The following GRK5 variants were observed in gnomAD, a reference collection of about 807,000 sequenced individuals.
GRK5 encodes G protein-coupled receptor kinase 5, also known as g protein-coupled receptor kinase GRK5.
In GRK5, 40 loss-of-function variants were observed where a neutral mutation model predicts 78.4. The ratio of observed to expected loss-of-function variants is 0.51; its 90% CI spans 0.40 to 0.66. The LOEUF is 0.66. GRK5 is among the 30% of genes least tolerant of loss of function. The probability of loss-of-function intolerance (pLI) is 0.00; values close to 1 mark genes in which losing one functional copy is unlikely to be tolerated. For missense variants in GRK5, 598 were observed against 759.9 expected (o/e 0.79, Z 2.50); for synonymous variants, 289 against 296.8 (o/e 0.97, Z 0.27).
At chr10:119,344,674 C>G (rs1311039702) in intron 2 of GRK5, among the ~76,000 whole-genome samples, 2 of 152,208 alleles carry the variant, frequency 1.3e-5, no homozygotes, top group South Asian at 2.1e-4. Context: ...CACTGGCTGT[C>G]TCTTTGCCTG....
Position 119,455,815 on chromosome 10 carries a change from G to A in GRK5, c.*748G>A, listed in dbSNP as rs1853393449. On this transcript the variant is annotated 3_prime_UTR_variant, in exon 16 of 16. Coordinates refer to ENST00000392870, the MANE Select transcript of GRK5 (RefSeq NM_005308.3). ...CCTAGGCTGAGCCCTTCTCCTCGAG[G>A]GGCACGCCGAGCCACTGTCGCACCC... 6.3e-6 allele frequency: 1 copy of A among 158,666 alleles called. No homozygotes were observed. 9.8% of individuals were successfully genotyped at this position (158,666 alleles called of 1,614,324 possible).
intron 2 of GRK5, among the ~76,000 whole-genome samples, chr10:119,337,158 T>G (rs1323920801): frequency 6.6e-6 from 1 of 152,190 alleles, no homozygotes; most frequent in Non-Finnish European, 1.5e-5. Context: ...CTTTTATATT[T>G]GGGCTTCCGT....
rs558409254 is a variant in GRK5, at chr10:119,336,633, C to T, written c.148+10022C>T. Among the ~76,000 whole-genome samples the T allele has an allele frequency of 2.0e-5, 3 of 152,304 alleles. No homozygotes were observed. The highest frequency in any genetic ancestry group is 4.1e-4 in the South Asian group (2 of 4,824). ...CTGAGAGGATGATCAGAATCTCACACGTCTTGGTGACCCAGTCCCCTTCAG... is the reference window on the plus strand; with the variant it reads ...CTGAGAGGATGATCAGAATCTCACATGTCTTGGTGACCCAGTCCCCTTCAG... On this transcript the variant is annotated intron_variant, in intron 2 of 15. Coordinates refer to ENST00000392870, the MANE Select transcript of GRK5 (RefSeq NM_005308.3). The surrounding 1 kb of genome is among the most constrained non-coding windows in gnomAD (Gnocchi z 4.5).
chr10:119,331,930 C>T (rs922024509), intron 2 of GRK5, among the ~76,000 whole-genome samples: 3 of 152,098 alleles, frequency 2.0e-5, no homozygotes, highest in African/African-American at 4.8e-5. Context: ...CCTGTAGACC[C>T]CTTATCAGAA....
At chr10:119,442,469 C>T (rs1354145456) in intron 11 of GRK5, among the ~76,000 whole-genome samples, 2 of 152,178 alleles carry the variant, frequency 1.3e-5, no homozygotes, top group African/African-American at 2.4e-5. Context: ...AAATGAGAGG[C>T]GCGCACAGCT....
chr10:119,431,634 G>A lies in GRK5; in HGVS notation c.738+107G>A, dbSNP rs1852820416. ...TAATGCGGCCGGTCCCCACCCCTGG[G>A]AAGGGGAATGCCAGTGGCAGCGCTG... On this transcript the variant is annotated intron_variant, in intron 8 of 15. Transcript: ENST00000392870. This position sits in a 1 kb window ranked among gnomAD's most constrained non-coding sequence, Gnocchi z 4.8. 6 of 1,322,674 alleles carry A rather than the reference G, an allele frequency of 4.5e-6. No homozygotes were observed. The highest frequency in any genetic ancestry group is 6.2e-6 in the Non-Finnish European group (6 of 969,780). 81.9% of individuals were successfully genotyped at this position (1,322,674 alleles called of 1,614,324 possible).
intron 1 of GRK5, among the ~76,000 whole-genome samples, chr10:119,219,791 A>C (rs2133707477): frequency 6.6e-6 from 1 of 152,330 alleles, no homozygotes; most frequent in Middle Eastern, 3.4e-3. Context: ...CATTTGGGGC[A>C]AACAGTTCTC....
Position 119,296,836 on chromosome 10 carries a change from G to A in GRK5, c.53-29680G>A, listed in dbSNP as rs1246658617. On this transcript the variant is annotated intron_variant, in intron 1 of 15. Transcript: ENST00000392870. Reference sequence around the variant, plus strand: ...GAGGTGACTCGTCCACAAGCAGCACGTTCTGTGGACAGAGCCTAGGACTGA... The same window carrying A: ...GAGGTGACTCGTCCACAAGCAGCACATTCTGTGGACAGAGCCTAGGACTGA... Among the ~76,000 whole-genome samples the A allele has an allele frequency of 1.2e-4, 19 of 152,350 alleles. 1 individual carries two copies. In the East Asian group the frequency reaches 3.1e-3, roughly 25 times the overall value.
intron 4 of GRK5, 35 bp from the exon 5 acceptor site, chr10:119,423,131 C>T (rs1441746314): frequency 2.1e-6 from 3 of 1,459,146 alleles, no homozygotes; most frequent in Non-Finnish European, 2.9e-6. Context: ...CTGCTGGCTC[C>T]TCACTGACCA....
intron 5 of GRK5, among the ~76,000 whole-genome samples, chr10:119,423,558 C>T (rs1463063781): frequency 1.3e-5 from 2 of 152,186 alleles, no homozygotes; most frequent in Non-Finnish European, 1.5e-5. Flanking sequence ...AAGTCTTTCC[C>T]AGGGTCCTCA....
rs567082719 is a variant in GRK5 at position 119,431,656 on chromosome 10, G to A, written c.738+129G>A. 2.0e-5 allele frequency: 22 copies of A among 1,124,892 alleles called. No individual in the cohort carries two copies. The highest frequency in any genetic ancestry group is 5.4e-5 in the Admixed American group (2 of 36,874). The allele number at this position is 1,124,892 out of a possible 1,614,324, so 69.7% of individuals were successfully genotyped here. On this transcript the variant is annotated intron_variant, in intron 8 of 15. Coordinates refer to ENST00000392870, the MANE Select transcript of GRK5 (RefSeq NM_005308.3). The surrounding 1 kb of genome is among the most constrained non-coding windows in gnomAD (Gnocchi z 4.8). ...TGGGAAGGGGAATGCCAGTGGCAGC[G>A]CTGAGCTACAGAAAGGCCGCAAGAC...
chr10:119,257,635 A>C (rs908593384), intron 1 of GRK5, among the ~76,000 whole-genome samples: 1 of 152,180 alleles, frequency 6.6e-6, no homozygotes, highest in African/African-American at 2.4e-5. Flanking sequence ...GAGGCAGGAG[A>C]ATCATTTGAG....
chr10:119,450,638 C>T lies in GRK5; in HGVS notation c.1405-2033C>T, dbSNP rs1008589493. ...TTGCCTGGGACTGTCCTGCTTTTAG[C>T]ACTGAAAGTCCTGTGTCCTGGGGAG... On this transcript the variant is annotated intron_variant, in intron 13 of 15. Transcript: ENST00000392870. Among the ~76,000 whole-genome samples, 3 of 152,260 alleles carry T rather than the reference C, an allele frequency of 2.0e-5. No individual in the cohort carries two copies. The East Asian group carries it at 5.8e-4, about 29-fold the overall frequency.
intron 4 of GRK5, 133 bp downstream of exon 4, chr10:119,396,905 A>G: frequency 4.1e-6 from 3 of 740,636 alleles, no homozygotes; most frequent in Non-Finnish European, 7.1e-6. Flanking sequence ...ACCTCCTGAG[A>G]TCACAGTTCC....
chr10:119,301,502 T>A (rs1850180649), intron 1 of GRK5, among the ~76,000 whole-genome samples: 1 of 152,222 alleles, frequency 6.6e-6, no homozygotes, highest in Non-Finnish European at 1.5e-5. Flanking sequence ...CTGTTCCTCC[T>A]GTTTTATAAG....
In GRK5 at chr10:119,207,830, GGCAGCCCGAGCAGCGGCA is replaced by G. The variant is rs932982926; in HGVS notation, c.-82_-65del. 6.9e-5 allele frequency: 89 copies of G among 1,292,976 alleles called. No individual in the cohort carries two copies. Among genetic ancestry groups the G allele is most frequent in the Non-Finnish European group, 8.6e-5 (81 of 940,092 alleles). 80.1% of individuals were successfully genotyped at this position (1,292,976 alleles called of 1,614,324 possible). On this transcript the variant is annotated 5_prime_UTR_variant, in exon 1 of 16. Transcript: ENST00000392870. ...CTCCCCCGGCTCCGGCAGCAGCGGC[GGCAGCCCGAGCAGCGGCA>G]GCAGCAGCGGCAGCACCCCAGGCGC...
rs965633008 is a variant in GRK5, at chr10:119,456,994, T to C, written c.*1927T>C. ...CCTCAAATCTTTTTAATGTGCAGTA[T>C]TTTTTTGTTCAAGACCAGCTCTTGT... is the stretch of plus-strand genomic sequence containing the variant. On this transcript the variant is annotated 3_prime_UTR_variant, in exon 16 of 16. Transcript: ENST00000392870. The surrounding 1 kb of genome is among the most constrained non-coding windows in gnomAD (Gnocchi z 5.5). 2.7e-4 allele frequency: 41 copies of C among 152,336 alleles called. 1 individual carries two copies. Among genetic ancestry groups the C allele is most frequent in the African/African-American group, 9.9e-4 (41 of 41,576 alleles). 9.4% of individuals were successfully genotyped at this position (152,336 alleles called of 1,614,324 possible). A position where few individuals can be genotyped will look rare whatever the true frequency, so the allele number is the denominator to read the frequency against.
At chr10:119,313,964 C>T (rs905145634) in intron 1 of GRK5, among the ~76,000 whole-genome samples, 1 of 152,194 alleles carries the variant, frequency 6.6e-6, no homozygotes, top group African/African-American at 2.4e-5. Context: ...GACCGCAGGC[C>T]CCAGATGCCC....
intron 3 of GRK5, among the ~76,000 whole-genome samples, chr10:119,392,730 C>G (rs1410852630): frequency 6.6e-6 from 1 of 152,166 alleles, no homozygotes; most frequent in African/African-American, 2.4e-5. Flanking sequence ...AACAGAACAG[C>G]AGAGGTGCCT....
Sources: allele counts gnomAD v4.1 joint callset (sites outside exome capture counted in the v4.1 genomes callset), GRCh38; gene constraint gnomAD v4.1.1; non-coding constraint Gnocchi (gnomAD v3.1); transcripts MANE v1.5; gene names NCBI Gene and HGNC (gene_info 2026-07-23, HGNC 2026-07-21).